Variants in KIRREL3 observed in about 807,000 individuals in gnomAD.
KIRREL3 encodes kin of IRRE-like protein 3.
KIRREL3 carries 36 observed loss-of-function variants against 89.7 expected under a neutral mutation model. The ratio of observed to expected loss-of-function variants is 0.40; its 90% confidence interval spans 0.31 to 0.53. The LOEUF (loss-of-function observed/expected upper bound fraction) is 0.53. Ranked by LOEUF, KIRREL3 falls within the 20% of genes least tolerant of loss-of-function variation. The pLI, the probability that KIRREL3 is intolerant of heterozygous loss-of-function variation, is 0.49. For synonymous variants in KIRREL3, 445 were observed against 441.4 expected (o/e 1.01, Z -0.10); for missense variants, 864 against 1,056.6 (o/e 0.82, Z 2.53).
chr11:126,426,528 A>G (rs1229637267), intron 15 of KIRREL3, among the ~76,000 whole-genome samples: 19 of 152,230 alleles, frequency 1.2e-4, no homozygotes, highest in Admixed American at 1.2e-3. Flanking sequence ...TTGAATGAAT[A>G]GGCAAAGTGG....
At chr11:126,452,171 C>T (rs962311829) in intron 7 of KIRREL3, among the ~76,000 whole-genome samples, 13 of 152,170 alleles carry the variant, frequency 8.5e-5, no homozygotes, top group African/African-American at 2.9e-4. Context: ...ATTAAGAACA[C>T]AATTAATAAT....
rs1333872490 is a variant in KIRREL3, at chr11:126,903,301, T to G, written c.55+97154A>C. 6.6e-6 allele frequency among the ~76,000 whole-genome samples: 1 copy of G among 152,166 alleles called. No individual in the cohort carries two copies. Among genetic ancestry groups the G allele is most frequent in the African/African-American group, 2.4e-5 (1 of 41,444 alleles). ...TCTTTTCTTTTTTTTTTAAACTAAT[T>G]TTTTCCTCTTTTTCTCTGGGTTAAC... On this transcript the variant is annotated intron_variant, in intron 1 of 16. Coordinates refer to ENST00000525144, the MANE Select transcript of KIRREL3 (RefSeq NM_032531.4). This position sits in a 1 kb window ranked among gnomAD's most constrained non-coding sequence, Gnocchi z 4.5.
At chr11:126,711,836 T>G (rs377293721) in intron 1 of KIRREL3, among the ~76,000 whole-genome samples, 69 of 152,310 alleles carry the variant, frequency 4.5e-4, no homozygotes, top group African/African-American at 1.4e-3. Context: ...CCCTCCCAGC[T>G]GCCCTCTCTC....
At chr11:126,886,010 T>G (rs953261899) in intron 1 of KIRREL3, among the ~76,000 whole-genome samples, 2 of 152,202 alleles carry the variant, frequency 1.3e-5, no homozygotes, top group Non-Finnish European at 2.9e-5. Context: ...TCACTTTAAT[T>G]TTGCATTCTC....
intron 1 of KIRREL3, among the ~76,000 whole-genome samples, chr11:126,930,685 G>A (rs888996615): frequency 4.6e-5 from 7 of 152,180 alleles, no homozygotes; most frequent in Non-Finnish European, 8.8e-5. Context: ...CAAGCCACCA[G>A]CTTCTTCCCT....
chr11:126,657,223 T>A (rs1945182942), intron 1 of KIRREL3, among the ~76,000 whole-genome samples: 1 of 147,188 alleles, frequency 6.8e-6, no homozygotes, highest in African/African-American at 2.5e-5. Flanking sequence ...CTCAGGAGAA[T>A]AAAATGAGAA....
Position 126,435,190 on chromosome 11 carries a change from C to T in KIRREL3, c.1588+78G>A, listed in dbSNP as rs192729804. The T allele has an allele frequency of 2.0e-4, 295 of 1,485,782 alleles. No individual in the cohort carries two copies. In the African/African-American group the frequency reaches 3.8e-3, roughly 19 times the overall value. 92.0% of individuals were successfully genotyped at this position (1,485,782 alleles called of 1,614,324 possible). A position where few individuals can be genotyped will look rare whatever the true frequency, so the allele number is the denominator to read the frequency against. On this transcript the variant is annotated intron_variant, in intron 13 of 16. Coordinates refer to ENST00000525144, the MANE Select transcript of KIRREL3 (RefSeq NM_032531.4). ...CGGCCAGCACAGGCCTCCCTACCCCCTGCTGGGTTCCCTCCCCAGCTAGCC... is the reference window on the plus strand; with the variant it reads ...CGGCCAGCACAGGCCTCCCTACCCCTTGCTGGGTTCCCTCCCCAGCTAGCC...
chr11:126,548,498 G>C (rs575501763), intron 2 of KIRREL3, among the ~76,000 whole-genome samples: 5 of 152,234 alleles, frequency 3.3e-5, no homozygotes, highest in Non-Finnish European at 7.3e-5. Context: ...CTGTGAGGTG[G>C]TGTTCAATAG....
chr11:126,850,581 A>AG (rs1944308015), intron 1 of KIRREL3, among the ~76,000 whole-genome samples: 1 of 152,192 alleles, frequency 6.6e-6, no homozygotes, highest in Non-Finnish European at 1.5e-5. Flanking sequence ...TGCCTTCCAC[A>AG]GGGATCATGA....
chr11:126,423,986 T>G lies in KIRREL3; in HGVS notation c.*594A>C. 6.4e-6 allele frequency: 1 copy of G among 156,840 alleles called. No homozygotes were observed. Among genetic ancestry groups the G allele is most frequent in the Non-Finnish European group, 1.4e-5 (1 of 70,830 alleles). 9.7% of individuals were successfully genotyped at this position (156,840 alleles called of 1,614,324 possible). On this transcript the variant is annotated 3_prime_UTR_variant, in exon 17 of 17. Coordinates refer to ENST00000525144, the MANE Select transcript of KIRREL3 (RefSeq NM_032531.4). ...GTATGGACACAAAACACCAAACAAATTGGGGGTGGGCTCCCGGCCAGCCTG... is the reference window on the plus strand; with the variant it reads ...GTATGGACACAAAACACCAAACAAAGTGGGGGTGGGCTCCCGGCCAGCCTG...
rs1015186429 is a variant in KIRREL3 at position 126,723,706 on chromosome 11, T to C, written c.56-160794A>G. The stretch of plus-strand genomic sequence containing the variant: ...TACCTAGACCATGATGACATAATAA[T>C]AGATGCAGAATTAATTTTCATTGAG... On this transcript the variant is annotated intron_variant, in intron 1 of 16. Coordinates refer to ENST00000525144, the MANE Select transcript of KIRREL3 (RefSeq NM_032531.4). This position sits in a 1 kb window ranked among gnomAD's most constrained non-coding sequence, Gnocchi z 4.0. Among the ~76,000 whole-genome samples, 15 of 152,140 alleles carry C rather than the reference T, an allele frequency of 9.9e-5. No individual in the cohort carries two copies. Among genetic ancestry groups the C allele is most frequent in the Non-Finnish European group, 1.8e-4 (12 of 68,024 alleles).
rs1414405535 is a variant in KIRREL3, at chr11:126,703,081, T to C, written c.56-140169A>G. Reference sequence around the variant, plus strand: ...CTAAATGAGAAGGGTGAGTAGTAGATGGCGTATTCTCTGGGCTGTGAATCC... The same window carrying C: ...CTAAATGAGAAGGGTGAGTAGTAGACGGCGTATTCTCTGGGCTGTGAATCC... On this transcript the variant is annotated intron_variant, in intron 1 of 16. Coordinates refer to ENST00000525144, the MANE Select transcript of KIRREL3 (RefSeq NM_032531.4). The surrounding 1 kb of genome is among the most constrained non-coding windows in gnomAD (Gnocchi z 4.6). Among the ~76,000 whole-genome samples, 1 of 152,020 alleles carries C rather than the reference T, an allele frequency of 6.6e-6. No individual in the cohort carries two copies. The highest frequency in any genetic ancestry group is 1.5e-5 in the Non-Finnish European group (1 of 68,000).
At chr11:126,947,547 A>G (rs1453313446) in intron 1 of KIRREL3, among the ~76,000 whole-genome samples, 1 of 152,216 alleles carries the variant, frequency 6.6e-6, no homozygotes, top group East Asian at 1.9e-4. Context: ...GCGTAGCTAA[A>G]AGGAAAAGGA....
Position 126,447,256 on chromosome 11 carries a change from C to A in KIRREL3, c.998-370G>T, listed in dbSNP as rs564886861. Among the ~76,000 whole-genome samples, 3 of 151,340 alleles carry A rather than the reference C, an allele frequency of 2.0e-5. No homozygotes were observed. The South Asian group carries it at 6.4e-4, about 32-fold the overall frequency. On this transcript the variant is annotated intron_variant, in intron 8 of 16. Coordinates refer to ENST00000525144, the MANE Select transcript of KIRREL3 (RefSeq NM_032531.4). ...GCCCGGTGCTAGAAAGCTGCGGAAG[C>A]CCCTCCATCCCAGTGGCGGGCAGGG...
Position 126,541,841 on chromosome 11 carries a change from C to T in KIRREL3, c.134-15154G>A, listed in dbSNP as rs140534525. On this transcript the variant is annotated intron_variant, in intron 2 of 16. Transcript: ENST00000525144. This position sits in a 1 kb window ranked among gnomAD's most constrained non-coding sequence, Gnocchi z 4.8. The stretch of plus-strand genomic sequence containing the variant: ...CTTGATTAAGTGGCTGTCTCTCTCT[C>T]GGGGTGCGCATTGATGTTCCCACTG... 4.8e-3 allele frequency among the ~76,000 whole-genome samples: 738 copies of T among 152,204 alleles called. 5 individuals carry two copies. Among genetic ancestry groups the T allele is most frequent in the African/African-American group, 0.016 (677 of 41,496 alleles).
In KIRREL3 at chr11:126,995,465, C is replaced by A; in HGVS notation, c.55+4990G>T. 2.6e-6 allele frequency: 1 copy of A among 381,828 alleles called. No homozygotes were observed. The highest frequency in any genetic ancestry group is 2.0e-5 in the South Asian group (1 of 50,614). The allele number at this position is 381,828 out of a possible 1,614,324, so 23.7% of individuals were successfully genotyped here. A position where few individuals can be genotyped will look rare whatever the true frequency, so the allele number is the denominator to read the frequency against. On this transcript the variant is annotated intron_variant, in intron 1 of 16. Coordinates refer to ENST00000525144, the MANE Select transcript of KIRREL3 (RefSeq NM_032531.4). This position sits in a 1 kb window ranked among gnomAD's most constrained non-coding sequence, Gnocchi z 6.5. Reference sequence around the variant, plus strand: ...AAAAAACGCCTGCACTGTTTTTCACCTAAGGTCATCTCGACAATTTACAAG... The same window carrying A: ...AAAAAACGCCTGCACTGTTTTTCACATAAGGTCATCTCGACAATTTACAAG...
chr11:126,495,806 C>A lies in KIRREL3; in HGVS notation c.434-22340G>T, dbSNP rs748184705. Among the ~76,000 whole-genome samples the A allele has an allele frequency of 3.3e-4, 51 of 152,344 alleles. No homozygotes were observed. The highest frequency in any genetic ancestry group is 6.5e-4 in the Non-Finnish European group (44 of 68,034). ...GTGCAGCAGCCTGAGGATCAGGACA[C>A]TGGGACTCTAGTCCTGACACTCAGC... is the stretch of plus-strand genomic sequence containing the variant. On this transcript the variant is annotated intron_variant, in intron 4 of 16. Coordinates refer to ENST00000525144, the MANE Select transcript of KIRREL3 (RefSeq NM_032531.4). The surrounding 1 kb of genome is among the most constrained non-coding windows in gnomAD (Gnocchi z 6.5).
chr11:126,446,664 T>C, intron 9 of KIRREL3, 95 bp downstream of exon 9: 1 of 1,343,272 alleles, frequency 7.4e-7, no homozygotes, highest in Non-Finnish European at 1.0e-6. Context: ...ACTCCCCCAG[T>C]CTAATAGTGA....
At chr11:126,450,520 C>T (rs1446038133) in intron 7 of KIRREL3, among the ~76,000 whole-genome samples, 2 of 126,212 alleles carry the variant, frequency 1.6e-5, no homozygotes, top group Non-Finnish European at 3.4e-5. Flanking sequence ...TGTGTGTGTG[C>T]ATCTGCGTAT....
Sources: allele counts gnomAD v4.1 joint callset (sites outside exome capture counted in the v4.1 genomes callset), GRCh38; gene constraint gnomAD v4.1.1; non-coding constraint Gnocchi (gnomAD v3.1); transcripts MANE v1.5; gene names NCBI Gene and HGNC (gene_info 2026-07-23, HGNC 2026-07-21).